POM121: variants seen among roughly 807,000 people sequenced by gnomAD.
The protein encoded by POM121 is nuclear envelope pore membrane protein POM 121.
A neutral mutation model predicts 81.3 loss-of-function variants in POM121; 32 were observed. The observed-to-expected ratio is 0.39, with a 90% CI of 0.30 to 0.53. The LOEUF (loss-of-function observed/expected upper bound fraction) is 0.53. Among genes scored for constraint, POM121 ranks in the 20% least tolerant of loss-of-function variants. The probability of loss-of-function intolerance (pLI) is 0.66; values close to 1 mark genes in which losing one functional copy is unlikely to be tolerated. For missense variants in POM121, 1,138 were observed against 1,614.6 expected (o/e 0.70, Z 5.06); for synonymous variants, 514 against 694.2 (o/e 0.74, Z 4.08).
At chr7:72,904,669 T>C (rs575098592) in intron 3 of POM121, among the ~76,000 whole-genome samples, 2 of 152,308 alleles carry the variant, frequency 1.3e-5, no homozygotes, top group African/African-American at 4.8e-5. Context: ...CATTTTGAAG[T>C]TGCTTTTTTC....
intron 3 of POM121, among the ~76,000 whole-genome samples, chr7:72,897,808 C>T (rs10263660): frequency 0.46 from 69,382 of 151,512 alleles, 16,487 homozygotes; most frequent in South Asian, 0.58. Flanking sequence ...ATCACTTGAG[C>T]CCAGGAGTTC....
Position 72,943,175 on chromosome 7 carries a change from C to T in POM121, c.3182C>T (p.Thr1061Ile). 6.2e-7 allele frequency: 1 copy of T among 1,613,416 alleles called. No homozygotes were observed. The highest frequency in any genetic ancestry group is 8.5e-7 in the Non-Finnish European group (1 of 1,179,820). Residue 1061 changes from threonine to isoleucine, a missense_variant, in exon 11 of 13, where the codon ACT becomes ATT. Thr to Ile is a moderately conservative substitution (Grantham distance 89, BLOSUM62 -1). Around this residue, in one of 7 missense-constraint regions of POM121, gnomAD observed 336 missense variants for 344.3 expected, o/e 0.98. Transcript: ENST00000434423. The part of the protein sequence containing the change: ...ASSQPAFGGS[T>I]AVFFGAATSS... ...TCACAGCCCGCCTTTGGCGGCTCCACTGCTGTCTTCTTCGGTGCAGCCACC... is the reference window on the plus strand; with the variant it reads ...TCACAGCCCGCCTTTGGCGGCTCCATTGCTGTCTTCTTCGGTGCAGCCACC...
Position 72,898,076 on chromosome 7 carries a change from T to C in POM121, c.-216+6966T>C, listed in dbSNP as rs186109450. ...TTGCAGATGCTTTGCATGCAGTGTGTAAGAGAAAGAGAGGAGTCAAGGATG... is the reference window on the plus strand; with the variant it reads ...TTGCAGATGCTTTGCATGCAGTGTGCAAGAGAAAGAGAGGAGTCAAGGATG... On this transcript the variant is annotated intron_variant, in intron 3 of 15. Transcript: ENST00000395270. Among the ~76,000 whole-genome samples, 5 of 152,222 alleles carry C rather than the reference T, an allele frequency of 3.3e-5. No homozygotes were observed. In the East Asian group the frequency reaches 9.7e-4, roughly 29 times the overall value.
rs1415319962 is a variant in POM121 at position 72,925,114 on chromosome 7, G to A, written c.-8G>A. On this transcript the variant is annotated 5_prime_UTR_variant, in exon 1 of 13. Transcript: ENST00000434423. The stretch of plus-strand genomic sequence containing the variant: ...ATATTTAAGTCTCCTCCGCGGCGCG[G>A]AGCCGCGATGTCTCCGGCGGCTGCG... 4 of 1,407,172 alleles carry A rather than the reference G, an allele frequency of 2.8e-6. No homozygotes were observed. Among genetic ancestry groups the A allele is most frequent in the South Asian group, 1.6e-5 (1 of 63,970 alleles). 87.2% of individuals were successfully genotyped at this position (1,407,172 alleles called of 1,614,324 possible).
At chr7:72,880,135 C>T (rs1285871682) in intron 1 of POM121, among the ~76,000 whole-genome samples, 1 of 152,214 alleles carries the variant, frequency 6.6e-6, no homozygotes, top group Non-Finnish European at 1.5e-5. Flanking sequence ...CCCCGCTAAC[C>T]CCTAACAGTC....
intron 5 of POM121, among the ~76,000 whole-genome samples, chr7:72,935,927 A>G (rs1554499377): frequency 2.0e-5 from 3 of 152,146 alleles, no homozygotes; most frequent in African/African-American, 7.2e-5. Flanking sequence ...TTAGGATTTT[A>G]GTACATACAC....
At chr7:72,949,930 G>T (rs145487180), downstream of POM121, 3,651 of 1,612,552 alleles carry the variant, frequency 2.3e-3, 11 homozygotes, top group Non-Finnish European at 2.5e-3. Context: ...AGCCTGGCGG[G>T]GGTCCAGCAG....
At chr7:72,920,633 C>T (rs549471341), upstream of POM121, among the ~76,000 whole-genome samples, 12 of 152,190 alleles carry the variant, frequency 7.9e-5, no homozygotes, top group Admixed American at 6.5e-4. Flanking sequence ...GGATTACAGG[C>T]GTGAGCCACC....
intron 1 of POM121, among the ~76,000 whole-genome samples, chr7:72,885,198 AC>A (rs1790589443): frequency 6.6e-6 from 1 of 152,140 alleles, no homozygotes; most frequent in African/African-American, 2.4e-5. Flanking sequence ...CTGGAATGCT[AC>A]ATGGAACCTC....
intron 3 of POM121, among the ~76,000 whole-genome samples, chr7:72,898,532 C>A (rs1198307454): frequency 6.6e-6 from 1 of 152,152 alleles, no homozygotes; most frequent in Admixed American, 6.5e-5. Flanking sequence ...CGTGTTGGCT[C>A]ACGCCTGTAA....
intron 4 of POM121, among the ~76,000 whole-genome samples, chr7:72,919,015 G>T (rs140133914): frequency 2.0e-5 from 3 of 152,124 alleles, no homozygotes; most frequent in East Asian, 3.9e-4. Context: ...TAACCAGGAT[G>T]GTCTCGATCT....
At chr7:72,930,863 A>C (rs184444402) in intron 5 of POM121, among the ~76,000 whole-genome samples, 1,798 of 152,228 alleles carry the variant, frequency 0.012, 18 homozygotes, top group Middle Eastern at 0.027. Flanking sequence ...TCTGACATCT[A>C]GTAGCTATAA....
At chr7:72,889,330 G>T (rs535847803) in intron 1 of POM121, among the ~76,000 whole-genome samples, 1 of 152,284 alleles carries the variant, frequency 6.6e-6, no homozygotes, top group South Asian at 2.1e-4. Context: ...TGTATCACTG[G>T]GTTTGAACCC....
At chr7:72,926,172 A>G in intron 1 of POM121, 90 bp from the exon 2 acceptor site, 1 of 1,322,444 alleles carries the variant, frequency 7.6e-7, no homozygotes. Flanking sequence ...AGTTCTTTGG[A>G]AAATGTCTGA....
At chr7:72,936,357 C>T (rs1469027604) in intron 5 of POM121, among the ~76,000 whole-genome samples, 5 of 150,302 alleles carry the variant, frequency 3.3e-5, no homozygotes, top group African/African-American at 7.4e-5. Context: ...TTTTTTGAGA[C>T]GGAGTCTTGC....
chr7:72,879,515 G>A (rs1273362206), exon 1 of POM121: 1 of 253,210 alleles, frequency 3.9e-6, no homozygotes, highest in Non-Finnish European at 7.8e-6. Context: ...GGTTCGCGCG[G>A]GCCGGGTAGA....
chr7:72,943,281 C>T lies in POM121; in HGVS notation c.3288C>T (p.Pro1096=). The T allele has an allele frequency of 6.2e-7, 1 of 1,609,964 alleles. No homozygotes were observed. The part of the protein sequence containing the change: ...SSVFGSTTPS[P]FTFGGSAAPA... ...TGTTTGGCAGCACAACACCATCACC[C>T]TTCACGTTTGGGGGTTCGGCAGCCC... Residue 1096 remains proline (P), a synonymous_variant, in exon 11 of 13, where the codon CCC becomes CCT. Transcript: ENST00000434423.
chr7:72,945,545 C>T (rs372329856), intron 11 of POM121, 41 bp from the exon 12 acceptor site: 9 of 1,611,486 alleles, frequency 5.6e-6, no homozygotes, highest in African/African-American at 1.3e-5. Flanking sequence ...CTTGCCTCTG[C>T]CCTCTGCTCA....
In POM121 at chr7:72,939,948, C is replaced by T; in HGVS notation, c.1543C>T (p.Arg515Ter). 3 of 1,604,630 alleles carry T rather than the reference C, an allele frequency of 1.9e-6. No individual in the cohort carries two copies. The highest frequency in any genetic ancestry group is 1.7e-6 in the Non-Finnish European group (2 of 1,175,342). The change falls in exon 8 of 13, where the codon CGA becomes TGA. Residue 515 changes from arginine to a stop codon, truncating the protein, a stop_gained. Transcript: ENST00000434423. LOFTEE classifies it high-confidence loss of function. ...KRKVQLLPSR[R>*]GEQLTLPPPP... ...GAAAGTTCAGCTGCTGCCTTCTCGG[C>T]GAGGGGAACAGCTGACCTTGGTATG... is the stretch of plus-strand genomic sequence containing the variant.
Sources: gnomAD v4.1 joint callset for allele counts (sites outside exome capture counted in the v4.1 genomes callset) on GRCh38, gnomAD v4.1.1 for gene constraint, gnomAD v4.1.1 regional missense constraint, MANE v1.5 for transcripts, NCBI Gene and HGNC (gene_info 2026-07-23, HGNC 2026-07-21) for gene names.